Variants in SRPRA observed in about 807,000 individuals in gnomAD.
The protein encoded by SRPRA is signal recognition particle receptor subunit alpha.
In SRPRA, 30 loss-of-function variants were observed where a neutral mutation model predicts 61.1. The observed-to-expected ratio is 0.49, with a 90% CI of 0.37 to 0.67. The LOEUF (loss-of-function observed/expected upper bound fraction) is 0.67, where lower values mean the gene tolerates loss of function less well. Ranked by LOEUF, SRPRA falls within the 30% of genes least tolerant of loss-of-function variation. The pLI, the probability that SRPRA is intolerant of heterozygous loss-of-function variation, is 0.00. For missense variants in SRPRA, 759 were observed against 828.4 expected, an observed-to-expected ratio of 0.92 and a Z score of 1.03; for synonymous variants, 324 against 299.7, an observed-to-expected ratio of 1.08 and a Z score of -0.84.
chr11:126,237,725 C>T, the SRPRA span, among the ~76,000 whole-genome samples: 3 of 143,450 alleles, frequency 2.1e-5, no homozygotes, highest in South Asian at 2.2e-4. Context: ...GGCGTGGTGG[C>T]GCGTGCCTGT....
In SRPRA at chr11:126,267,367, AC is replaced by A. The variant is rs1415276809; in HGVS notation, c.366-33del. 10 of 1,608,982 alleles carry A rather than the reference AC, an allele frequency of 6.2e-6. No individual in the cohort carries two copies. Among genetic ancestry groups the A allele is most frequent in the Non-Finnish European group, 8.5e-6 (10 of 1,177,928 alleles). ...AAAAAGGAGAATGGTTTATCTTTCT[AC>A]CCCATGCAGAAGGAAAAATAACGGT... On this transcript the variant is annotated intron_variant, in intron 3 of 13. Coordinates refer to ENST00000332118, the MANE Select transcript of SRPRA (RefSeq NM_003139.4). The surrounding 1 kb of genome is among the most constrained non-coding windows in gnomAD (Gnocchi z 4.2).
chr11:126,263,890 C>T lies in SRPRA; in HGVS notation c.*26G>A, dbSNP rs764603946. The T allele has an allele frequency of 4.7e-5, 75 of 1,611,150 alleles. No individual in the cohort carries two copies. The highest frequency in any genetic ancestry group is 1.7e-4 in the Middle Eastern group (1 of 5,750). ...GAAGAAGGGCTTGTGGGGAAAGCGG[C>T]GATTTGGTATTGGGCAAGAGCCACG... On this transcript the variant is annotated 3_prime_UTR_variant, in exon 14 of 14. Coordinates refer to ENST00000332118, the MANE Select transcript of SRPRA (RefSeq NM_003139.4).
chr11:126,268,129 A>C (rs757066773), intron 1 of SRPRA, 43 bp from the exon 2 acceptor site: 2 of 1,592,930 alleles, frequency 1.3e-6, no homozygotes, highest in Non-Finnish European at 1.7e-6. Context: ...ATCCCCAGAA[A>C]ACCCAGGTTT....
Position 126,265,498 on chromosome 11 carries a change from T to C in SRPRA, c.1139-58A>G. On this transcript the variant is annotated intron_variant, in intron 9 of 13. Coordinates refer to ENST00000332118, the MANE Select transcript of SRPRA (RefSeq NM_003139.4). The surrounding 1 kb of genome is among the most constrained non-coding windows in gnomAD (Gnocchi z 6.3). ...GAAACTCAAGGAATGCTCTCAAAAA[T>C]GCCTAACACCTTTCTGAGCTAAGGG... is the stretch of plus-strand genomic sequence containing the variant. 6.4e-7 allele frequency: 1 copy of C among 1,565,780 alleles called. No individual in the cohort carries two copies. The highest frequency in any genetic ancestry group is 8.7e-7 in the Non-Finnish European group (1 of 1,153,574).
Position 126,265,923 on chromosome 11 carries a change from T to C in SRPRA, c.1051+40A>G. On this transcript the variant is annotated intron_variant, in intron 8 of 13. Transcript: ENST00000332118. This position sits in a 1 kb window ranked among gnomAD's most constrained non-coding sequence, Gnocchi z 6.3. ...AGGTGATTCTGCTCTCAACTACCCCTATCCCGCGAGTATGAGTCAGCCCGG... is the reference window on the plus strand; with the variant it reads ...AGGTGATTCTGCTCTCAACTACCCCCATCCCGCGAGTATGAGTCAGCCCGG... 2 of 1,611,168 alleles carry C rather than the reference T, an allele frequency of 1.2e-6. No homozygotes were observed. Among genetic ancestry groups the C allele is most frequent in the African/African-American group, 1.3e-5 (1 of 74,998 alleles).
rs908116185 is a variant in SRPRA at position 126,267,886 on chromosome 11, A to G, written c.201+117T>C. 13 of 1,396,520 alleles carry G rather than the reference A, an allele frequency of 9.3e-6. No homozygotes were observed. The African/African-American group carries it at 9.9e-5, about 11-fold the overall frequency. 86.5% of individuals were successfully genotyped at this position (1,396,520 alleles called of 1,614,324 possible). ...CAGTAGCTGCTGTTTTCCCCCATCTACCTTTCTAGTTTTTTCAGTTACGTC... is the reference window on the plus strand; with the variant it reads ...CAGTAGCTGCTGTTTTCCCCCATCTGCCTTTCTAGTTTTTTCAGTTACGTC... On this transcript the variant is annotated intron_variant, in intron 2 of 13. Transcript: ENST00000332118. The surrounding 1 kb of genome is among the most constrained non-coding windows in gnomAD (Gnocchi z 4.2).
rs757880115 is a variant in SRPRA at position 126,264,346 on chromosome 11, T to C, written c.1689+30A>G. 5.6e-6 allele frequency: 9 copies of C among 1,613,510 alleles called. No individual in the cohort carries two copies. Among genetic ancestry groups the C allele is most frequent in the South Asian group, 2.2e-5 (2 of 91,074 alleles). ...CCATCTAAATTGACCAAAGCTCAAGTTGTAAAGGGAACTGGGCCCACGCTC... is the reference window on the plus strand; with the variant it reads ...CCATCTAAATTGACCAAAGCTCAAGCTGTAAAGGGAACTGGGCCCACGCTC... On this transcript the variant is annotated intron_variant, in intron 12 of 13. Transcript: ENST00000332118. The surrounding 1 kb of genome is among the most constrained non-coding windows in gnomAD (Gnocchi z 5.0).
the SRPRA span, chr11:126,250,418 T>G: frequency 1.2e-6 from 1 of 867,934 alleles, no homozygotes; most frequent in Non-Finnish European, 1.8e-6. This position sits in a 1 kb window ranked among gnomAD's most constrained non-coding sequence, Gnocchi z 5.1. Context: ...TTCAAAATAT[T>G]CTTCCAAAAT....
the SRPRA span, among the ~76,000 whole-genome samples, chr11:126,246,049 A>T: frequency 6.6e-6 from 1 of 152,022 alleles, no homozygotes; most frequent in Non-Finnish European, 1.5e-5. Context: ...GAATGGAGGA[A>T]ATTATTTGTA....
the SRPRA span, chr11:126,240,858 T>TA: frequency 6.2e-7 from 1 of 1,614,158 alleles, no homozygotes; most frequent in Non-Finnish European, 8.5e-7. Context: ...GAACAGGCAT[T>TA]AGTGCTGCAG....
the SRPRA span, among the ~76,000 whole-genome samples, chr11:126,253,843 C>T: frequency 3.9e-5 from 6 of 152,192 alleles, no homozygotes; most frequent in Non-Finnish European, 7.3e-5. The surrounding 1 kb of genome is among the most constrained non-coding windows in gnomAD (Gnocchi z 5.1). Flanking sequence ...AGTAAGACTT[C>T]TTGTGCCAAC....
At chr11:126,253,353 T>C in the SRPRA span, among the ~76,000 whole-genome samples, 4 of 152,190 alleles carry the variant, frequency 2.6e-5, no homozygotes, top group African/African-American at 9.7e-5. This position sits in a 1 kb window ranked among gnomAD's most constrained non-coding sequence, Gnocchi z 5.1. Context: ...TCCTGATTCA[T>C]AGCCTATTTC....
downstream of SRPRA, chr11:126,262,851 T>C (rs558520586): frequency 6.5e-6 from 1 of 152,762 alleles, no homozygotes; most frequent in East Asian, 1.9e-4. Context: ...GTCCTGACCA[T>C]ACATATGTCC....
At position 126,265,508 on chromosome 11, in the gene SRPRA, C is replaced by T; in HGVS notation, c.1139-68G>A. The T allele has an allele frequency of 2.6e-6, 4 of 1,534,768 alleles. No individual in the cohort carries two copies. The highest frequency in any genetic ancestry group is 3.7e-5 in the Admixed American group (2 of 54,740). On this transcript the variant is annotated intron_variant, in intron 9 of 13. Transcript: ENST00000332118. The surrounding 1 kb of genome is among the most constrained non-coding windows in gnomAD (Gnocchi z 6.3). ...GAATGCTCTCAAAAATGCCTAACACCTTTCTGAGCTAAGGGGACTAAAACA... is the reference window on the plus strand; with the variant it reads ...GAATGCTCTCAAAAATGCCTAACACTTTTCTGAGCTAAGGGGACTAAAACA...
chr11:126,257,426 C>T, the SRPRA span, among the ~76,000 whole-genome samples: 2 of 151,750 alleles, frequency 1.3e-5, no homozygotes, highest in African/African-American at 2.4e-5. Flanking sequence ...TGGAAGGATC[C>T]TAAAATTGGT....
the SRPRA span, among the ~76,000 whole-genome samples, chr11:126,246,547 T>G: frequency 2.6e-5 from 4 of 152,322 alleles, no homozygotes; most frequent in Middle Eastern, 3.4e-3. Context: ...TGGCACATAG[T>G]TGATGCACTA....
rs201249550 is a variant in SRPRA, at chr11:126,264,582, C to T, written c.1526-43G>A. ...TCAACTCTGAACACCTGGACTACCACTCATGCTCGTTCCCAGCTTCCTCTC... is the reference window on the plus strand; with the variant it reads ...TCAACTCTGAACACCTGGACTACCATTCATGCTCGTTCCCAGCTTCCTCTC... On this transcript the variant is annotated intron_variant, in intron 11 of 13. Transcript: ENST00000332118. The surrounding 1 kb of genome is among the most constrained non-coding windows in gnomAD (Gnocchi z 5.0). The T allele has an allele frequency of 1.1e-5, 17 of 1,600,218 alleles. No homozygotes were observed. The African/African-American group carries it at 1.2e-4, about 11-fold the overall frequency.
At chr11:126,268,636 G>A in intron 1 of SRPRA, 52 bp downstream of exon 1, 1 of 1,486,806 alleles carries the variant, frequency 6.7e-7, no homozygotes, top group Non-Finnish European at 9.4e-7. Context: ...AGGGGACCAT[G>A]GATCGGGTCA....
At chr11:126,260,594 G>GT (rs1168990116), downstream of SRPRA, 1 of 152,050 alleles carries the variant, frequency 6.6e-6, no homozygotes, top group Non-Finnish European at 1.5e-5. Flanking sequence ...AATAACATCT[G>GT]TATCTCTTCA....
Sources: allele counts gnomAD v4.1 joint callset (sites outside exome capture counted in the v4.1 genomes callset), GRCh38; gene constraint gnomAD v4.1.1; non-coding constraint Gnocchi (gnomAD v3.1); transcripts MANE v1.5; gene names NCBI Gene and HGNC (gene_info 2026-07-23, HGNC 2026-07-21).